The following ANO5 variants were observed in gnomAD, a reference collection of about 807,000 sequenced individuals.
The protein encoded by ANO5 is anoctamin 5, also known as anoctamin-5.
ANO5 carries 109 observed loss-of-function variants against 121.0 expected under a neutral mutation model. The observed-to-expected ratio is 0.90, with a 90% CI of 0.77 to 1.06. The LOEUF (loss-of-function observed/expected upper bound fraction) is 1.06. Ranked by LOEUF, ANO5 falls within the 50% of genes least tolerant of loss-of-function variation. The probability of loss-of-function intolerance (pLI) is 0.00; values close to 1 mark genes in which losing one functional copy is unlikely to be tolerated. For synonymous variants in ANO5, 406 were observed against 359.9 expected, an observed-to-expected ratio of 1.13 and a Z score of -1.45; for missense variants, 1,064 against 1,078.5, an observed-to-expected ratio of 0.99 and a Z score of 0.19.
At chr11:22,269,970 A>T (rs1854549096) in intron 17 of ANO5, among the ~76,000 whole-genome samples, 1 of 152,138 alleles carries the variant, frequency 6.6e-6, no homozygotes, top group South Asian at 2.1e-4. Flanking sequence ...TTTTCTTCTG[A>T]GCATCATGAC....
chr11:22,203,972 AT>A (rs1852040339), intron 2 of ANO5, 122 bp downstream of exon 2: 2 of 609,434 alleles, frequency 3.3e-6, no homozygotes, highest in Non-Finnish European at 5.5e-6. Context: ...TAATTTATTC[AT>A]TTTTTAAGTA....
rs1339395980 is a variant in ANO5, at chr11:22,250,737, G to A, written c.1014-4G>A. The A allele has an allele frequency of 2.5e-6, 4 of 1,613,362 alleles. No individual in the cohort carries two copies. Among genetic ancestry groups the A allele is most frequent in the Non-Finnish European group, 3.4e-6 (4 of 1,179,574 alleles). On this transcript the variant is annotated splice_polypyrimidine_tract_variant and splice_region_variant and intron_variant, in intron 10 of 21. Coordinates refer to ENST00000324559, the MANE Select transcript of ANO5 (RefSeq NM_213599.3). ...GTTCAATAACTTTGCTGTTCCTCTTGCAGCACTGAAATCTGTGACCCTGAG... is the reference window on the plus strand; with the variant it reads ...GTTCAATAACTTTGCTGTTCCTCTTACAGCACTGAAATCTGTGACCCTGAG...
chr11:22,234,774 C>T (rs1590257477), intron 7 of ANO5, among the ~76,000 whole-genome samples: 1 of 152,186 alleles, frequency 6.6e-6, no homozygotes, highest in East Asian at 1.9e-4. Flanking sequence ...TAACAAAGGC[C>T]AGACACACTT....
At chr11:22,255,350 T>TA (rs1590292338) in intron 12 of ANO5, 21 bp from the exon 13 acceptor site, 2 of 1,538,162 alleles carry the variant, frequency 1.3e-6, no homozygotes, top group African/African-American at 2.8e-5. Context: ...ATCTTTTTTT[T>TA]ATATATTTAT....
chr11:22,219,900 T>TTG (rs1554922632), intron 4 of ANO5, among the ~76,000 whole-genome samples: 1 of 151,274 alleles, frequency 6.6e-6, no homozygotes, highest in Admixed American at 6.6e-5. Flanking sequence ...GATTTTTTTT[T>TTG]TTTTTTTTAA....
At chr11:22,252,417 A>C (rs888500361) in intron 12 of ANO5, among the ~76,000 whole-genome samples, 1 of 152,206 alleles carries the variant, frequency 6.6e-6, no homozygotes, top group Non-Finnish European at 1.5e-5. Flanking sequence ...ATATTACATC[A>C]TAAATAGAGG....
intron 2 of ANO5, among the ~76,000 whole-genome samples, chr11:22,204,838 A>G (rs1232040119): frequency 6.6e-6 from 1 of 152,156 alleles, no homozygotes; most frequent in Non-Finnish European, 1.5e-5. Flanking sequence ...CAGCAATCCC[A>G]TTACTGGGTA....
intron 2 of ANO5, 48 bp downstream of exon 2, chr11:22,203,898 A>AATCAAGAT: frequency 7.9e-7 from 1 of 1,266,610 alleles, no homozygotes; most frequent in Non-Finnish European, 1.1e-6. Flanking sequence ...CAGAATAAAA[A>AATCAAGAT]ATCAAGATAA....
At chr11:22,240,235 G>C (rs2133666571) in intron 9 of ANO5, among the ~76,000 whole-genome samples, 1 of 151,994 alleles carries the variant, frequency 6.6e-6, no homozygotes, top group African/African-American at 2.4e-5. Context: ...CAATCCTTTA[G>C]ATAGTTTCAT....
intron 18 of ANO5, among the ~76,000 whole-genome samples, chr11:22,272,564 A>G (rs2133787332): frequency 6.6e-6 from 1 of 152,306 alleles, no homozygotes; most frequent in Admixed American, 6.5e-5. Flanking sequence ...GCAAAGAAAG[A>G]ACTCAGCCAT....
chr11:22,230,382 T>C (rs1852999581), intron 7 of ANO5, among the ~76,000 whole-genome samples: 1 of 152,032 alleles, frequency 6.6e-6, no homozygotes, highest in African/African-American at 2.4e-5. Flanking sequence ...TGGAAAATTT[T>C]CCATTGCACT....
chr11:22,242,266 C>A (rs1025530149), intron 9 of ANO5, among the ~76,000 whole-genome samples: 4 of 152,070 alleles, frequency 2.6e-5, no homozygotes, highest in African/African-American at 9.7e-5. Flanking sequence ...CAGTACCATG[C>A]TGTTTTGCTT....
intron 15 of ANO5, chr11:22,261,394 G>T (rs767668449): frequency 6.6e-6 from 1 of 152,382 alleles, no homozygotes; most frequent in Non-Finnish European, 1.5e-5. Context: ...GCGAGGCATG[G>T]TGGCTCATGC....
intron 21 of ANO5, among the ~76,000 whole-genome samples, chr11:22,278,569 C>CTTTTTTTT: frequency 6.9e-6 from 1 of 143,994 alleles, no homozygotes; most frequent in African/African-American, 2.6e-5. Flanking sequence ...GACTTACCTA[C>CTTTTTTTT]ATATTTGGTG....
chr11:22,265,066 A>G (rs1781138576), intron 17 of ANO5, among the ~76,000 whole-genome samples: 2 of 152,172 alleles, frequency 1.3e-5, no homozygotes, highest in South Asian at 2.1e-4. Flanking sequence ...ATTGCTGAAC[A>G]TTTTTCAAAA....
intron 12 of ANO5, among the ~76,000 whole-genome samples, chr11:22,252,717 G>A (rs1853868429): frequency 6.6e-6 from 1 of 151,582 alleles, no homozygotes; most frequent in Admixed American, 6.6e-5. Context: ...GGTTTTTCTT[G>A]TTTTTGTGTT....
In ANO5 at chr11:22,262,221, G is replaced by A. The variant is rs751404759; in HGVS notation, c.1723G>A (p.Val575Ile). ...FVNFYSSCFY[V>I]AFFKGKFVGY... ...AAATTTTTACTCATCCTGCTTCTAC[G>A]TAGCTTTCTTTAAAGGGAAGTTCGT... The change falls in exon 16 of 22, where the codon GTA becomes ATA. Residue 575 changes from valine (V) to isoleucine (I), a missense_variant. Physicochemically the swap from Val to Ile is conservative, Grantham distance 29 (BLOSUM62 3). Coordinates refer to ENST00000324559, the MANE Select transcript of ANO5 (RefSeq NM_213599.3). 21 of 1,613,558 alleles carry A rather than the reference G, an allele frequency of 1.3e-5. No individual in the cohort carries two copies. The highest frequency in any genetic ancestry group is 2.2e-5 in the South Asian group (2 of 91,072).
chr11:22,256,035 G>A (rs932994141), intron 13 of ANO5, among the ~76,000 whole-genome samples: 7 of 151,988 alleles, frequency 4.6e-5, no homozygotes, highest in South Asian at 2.1e-4. Flanking sequence ...TTCTTCACAC[G>A]GCCCCTTTTA....
intron 12 of ANO5, among the ~76,000 whole-genome samples, chr11:22,254,568 G>A (rs532531799): frequency 1.3e-5 from 2 of 151,150 alleles, no homozygotes; most frequent in South Asian, 4.2e-4. Flanking sequence ...AATTTTCGCT[G>A]TACACAGCAA....
Sources: allele counts gnomAD v4.1 joint callset (sites outside exome capture counted in the v4.1 genomes callset), GRCh38; gene constraint gnomAD v4.1.1; transcripts MANE v1.5; gene names NCBI Gene and HGNC (gene_info 2026-07-23, HGNC 2026-07-21).